The following MSL2 variants were observed in gnomAD, a reference collection of about 807,000 sequenced individuals.
MSL2 encodes MSL complex subunit 2, also known as E3 ubiquitin-protein ligase MSL2.
Under a neutral mutation model 35.8 loss-of-function variants are expected in MSL2, and 2 were observed. The ratio of observed to expected loss-of-function variants is 0.06; its 90% CI spans 0.02 to 0.18. The LOEUF (loss-of-function observed/expected upper bound fraction) is 0.18, where lower values mean the gene tolerates loss of function less well. Ranked by LOEUF, MSL2 falls within the 10% of genes least tolerant of loss-of-function variation. The pLI is 1.00. For missense variants in MSL2, 523 were observed against 706.7 expected, an observed-to-expected ratio of 0.74 and a Z score of 2.95; for synonymous variants, 296 against 255.7, an observed-to-expected ratio of 1.16 and a Z score of -1.50.
intron 1 of MSL2, among the ~76,000 whole-genome samples, chr3:136,172,629 C>T (rs1184672867): frequency 6.6e-6 from 1 of 152,060 alleles, no homozygotes; most frequent in African/African-American, 2.4e-5. Context: ...CTCTTCTGTC[C>T]CCTCATTAAT....
chr3:136,173,579 T>G (rs917600939), intron 1 of MSL2, among the ~76,000 whole-genome samples: 1 of 152,116 alleles, frequency 6.6e-6, no homozygotes, highest in East Asian at 1.9e-4. Context: ...TTCCACCCCT[T>G]CAGGTTTTAT....
intron 1 of MSL2, among the ~76,000 whole-genome samples, chr3:136,194,046 T>TC (rs1940764461): frequency 6.6e-6 from 1 of 152,252 alleles, no homozygotes; most frequent in African/African-American, 2.4e-5. Context: ...TGCCTGAATT[T>TC]CCCAGGTTCT....
intron 1 of MSL2, chr3:136,194,421 C>G: frequency 5.1e-6 from 5 of 985,408 alleles, no homozygotes; most frequent in Non-Finnish European, 4.8e-6. Flanking sequence ...CGAGTACCAA[C>G]AGCCTTCCCC....
At chr3:136,187,021 G>A (rs956768474) in intron 1 of MSL2, among the ~76,000 whole-genome samples, 1 of 152,162 alleles carries the variant, frequency 6.6e-6, no homozygotes, top group Non-Finnish European at 1.5e-5. Context: ...GTTCAGCATA[G>A]TTGCAATTTT....
rs995018478 is a variant in MSL2, at chr3:136,150,917, G to C, written c.*230C>G. On this transcript the variant is annotated 3_prime_UTR_variant, in exon 2 of 2. Transcript: ENST00000309993. Reference sequence around the variant, plus strand: ...TGTATAAATCAGTTGCATCAGCTTTGTTCTCAAACTATGAGGTTCTGTAAG... The same window carrying C: ...TGTATAAATCAGTTGCATCAGCTTTCTTCTCAAACTATGAGGTTCTGTAAG... 3 of 503,844 alleles carry C rather than the reference G, an allele frequency of 6.0e-6. No individual in the cohort carries two copies. The highest frequency in any genetic ancestry group is 6.8e-5 in the South Asian group (2 of 29,260). 31.2% of individuals were successfully genotyped at this position (503,844 alleles called of 1,614,324 possible).
At chr3:136,175,483 C>T (rs1453353790) in intron 1 of MSL2, among the ~76,000 whole-genome samples, 1 of 151,858 alleles carries the variant, frequency 6.6e-6, no homozygotes, top group Non-Finnish European at 1.5e-5. Flanking sequence ...CCCAGGAGTT[C>T]GAGACCAGCC....
Position 136,151,117 on chromosome 3 carries a change from AC to A in MSL2, c.*29del, listed in dbSNP as rs1319845081. The A allele has an allele frequency of 1.3e-6, 2 of 1,594,480 alleles. No homozygotes were observed. The highest frequency in any genetic ancestry group is 3.4e-5 in the Admixed American group (2 of 59,278). The stretch of plus-strand genomic sequence containing the variant: ...GCCGTAAAACTGTAGCTATTTCCCT[AC>A]CAGGAGTAGGTTTAAAAGACCCACT... On this transcript the variant is annotated 3_prime_UTR_variant, in exon 2 of 2. Coordinates refer to ENST00000309993, the MANE Select transcript of MSL2 (RefSeq NM_018133.4). The surrounding 1 kb of genome is among the most constrained non-coding windows in gnomAD (Gnocchi z 5.2).
In MSL2 at chr3:136,195,411, C is replaced by T. The variant is rs1940809214; in HGVS notation, c.-298G>A. The T allele has an allele frequency of 8.9e-7, 1 of 1,125,300 alleles. No homozygotes were observed. The highest frequency in any genetic ancestry group is 2.5e-5 in the South Asian group (1 of 39,312). 69.7% of individuals were successfully genotyped at this position (1,125,300 alleles called of 1,614,324 possible). A position where few individuals can be genotyped will look rare whatever the true frequency, so the allele number is the denominator to read the frequency against. On this transcript the variant is annotated 5_prime_UTR_variant, in exon 1 of 2. Coordinates refer to ENST00000309993, the MANE Select transcript of MSL2 (RefSeq NM_018133.4). ...CGCAGAACGCGGCGGCTTGGGCGCT[C>T]GGGGCGGGACTCGGAGCTCAGTCTA...
In MSL2 at chr3:136,151,792, G is replaced by A. The variant is rs201156608; in HGVS notation, c.1089C>T (p.Gly363=). 6.2e-7 allele frequency: 1 copy of A among 1,614,158 alleles called. No individual in the cohort carries two copies. Among genetic ancestry groups the A allele is most frequent in the Non-Finnish European group, 8.5e-7 (1 of 1,180,038 alleles). The change falls in exon 2 of 2, where the codon GGC becomes GGT. Residue 363 remains glycine, a synonymous_variant. Coordinates refer to ENST00000309993, the MANE Select transcript of MSL2 (RefSeq NM_018133.4). The surrounding 1 kb of genome is among the most constrained non-coding windows in gnomAD (Gnocchi z 5.2). ...CAGGAGCAGATGCCCCCAGTGTTGG[G>A]CCTCGGATAATGGTAGAAATTGGAA... is the stretch of plus-strand genomic sequence containing the variant. ...QPLPISTIIR[G]PTLGASAPVT...
chr3:136,155,846 G>A (rs1576355380), intron 1 of MSL2: 3 of 578,486 alleles, frequency 5.2e-6, no homozygotes, highest in South Asian at 4.1e-5. Context: ...ATGCTGGCAT[G>A]GCCAGCTCCG....
chr3:136,181,258 C>G (rs148569047), intron 1 of MSL2, among the ~76,000 whole-genome samples: 1,536 of 152,068 alleles, frequency 0.01, 29 homozygotes, highest in African/African-American at 0.033. Flanking sequence ...TTTCTTAATG[C>G]TTCTTGTCTC....
Position 136,168,001 on chromosome 3 carries a change from T to G in MSL2, c.143-15263A>C, listed in dbSNP as rs183046326. Among the ~76,000 whole-genome samples, 583 of 152,188 alleles carry G rather than the reference T, an allele frequency of 3.8e-3. 2 individuals are homozygous for G. The highest frequency in any genetic ancestry group is 6.5e-3 in the Non-Finnish European group (444 of 68,010). On this transcript the variant is annotated intron_variant, in intron 1 of 1. Coordinates refer to ENST00000309993, the MANE Select transcript of MSL2 (RefSeq NM_018133.4). The stretch of plus-strand genomic sequence containing the variant: ...ACACAGTACCTCAATAAAATATGCT[T>G]TACATCAGAGCCTAAATTTGCTTCC...
intron 1 of MSL2, among the ~76,000 whole-genome samples, chr3:136,165,296 T>C (rs1404170074): frequency 6.6e-6 from 1 of 151,908 alleles, no homozygotes; most frequent in Non-Finnish European, 1.5e-5. Flanking sequence ...AGTGGACATA[T>C]AACTAAACGA....
chr3:136,151,761 C>T lies in MSL2; in HGVS notation c.1120G>A (p.Val374Met), dbSNP rs761704166. ...PTLGASAPVT[V>M]KRESKISLQP... is the part of the protein sequence containing the mutation. ...AGAGAAATTTTGCTCTCCCGTTTCA[C>T]TGTCACAGGAGCAGATGCCCCCAGT... The change falls in exon 2 of 2, where the codon GTG becomes ATG. Residue 374 changes from valine to methionine, a missense_variant. By Grantham distance (21) the Val-to-Met change is conservative. Transcript: ENST00000309993. This position sits in a 1 kb window ranked among gnomAD's most constrained non-coding sequence, Gnocchi z 5.2. The T allele has an allele frequency of 1.4e-5, 23 of 1,614,064 alleles. No individual in the cohort carries two copies. The highest frequency in any genetic ancestry group is 1.3e-4 in the Admixed American group (8 of 60,010).
intron 1 of MSL2, among the ~76,000 whole-genome samples, chr3:136,191,325 G>A (rs537410942): frequency 3.3e-5 from 5 of 152,108 alleles, no homozygotes; most frequent in Admixed American, 3.3e-4. Flanking sequence ...AAATTAGCTG[G>A]GTGTGGTGGC....
rs377501811 is a variant in MSL2, at chr3:136,195,667, G to A, written c.-554C>T. The A allele has an allele frequency of 3.0e-6, 3 of 985,354 alleles. No individual in the cohort carries two copies. Among genetic ancestry groups the A allele is most frequent in the Non-Finnish European group, 3.6e-6 (3 of 829,930 alleles). 61.0% of individuals were successfully genotyped at this position (985,354 alleles called of 1,614,324 possible). A position where few individuals can be genotyped will look rare whatever the true frequency, so the allele number is the denominator to read the frequency against. ...CTTCCCGGATCTAGTGCAAGACGCC[G>A]CGGCGGCGACGAAGGTTGATGTTGC... On this transcript the variant is annotated 5_prime_UTR_variant, in exon 1 of 2. Coordinates refer to ENST00000309993, the MANE Select transcript of MSL2 (RefSeq NM_018133.4).
At chr3:136,181,066 T>C (rs1354175797) in intron 1 of MSL2, among the ~76,000 whole-genome samples, 3 of 151,010 alleles carry the variant, frequency 2.0e-5, no homozygotes, top group Non-Finnish European at 4.4e-5. Context: ...GGCAGGAGAA[T>C]CACTTGAACA....
Position 136,150,137 on chromosome 3 carries a change from G to A in MSL2, c.*1010C>T, listed in dbSNP as rs1939309459. ...CCTAAATGCACAGGCTTTATAAAAA[G>A]GCATTCTTATTAGGCCTCTATAAAG... On this transcript the variant is annotated 3_prime_UTR_variant, in exon 2 of 2. Coordinates refer to ENST00000309993, the MANE Select transcript of MSL2 (RefSeq NM_018133.4). 6.6e-6 allele frequency: 1 copy of A among 152,464 alleles called. No individual in the cohort carries two copies. The highest frequency in any genetic ancestry group is 2.4e-5 in the African/African-American group (1 of 41,396). 9.4% of individuals were successfully genotyped at this position (152,464 alleles called of 1,614,324 possible).
chr3:136,178,072 T>C (rs1273926498), intron 1 of MSL2, among the ~76,000 whole-genome samples: 3 of 152,206 alleles, frequency 2.0e-5, no homozygotes, highest in Non-Finnish European at 4.4e-5. Context: ...AAATGGATGA[T>C]GTATATGTAT....
Sources: allele counts gnomAD v4.1 joint callset (sites outside exome capture counted in the v4.1 genomes callset), GRCh38; gene constraint gnomAD v4.1.1; non-coding constraint Gnocchi (gnomAD v3.1); transcripts MANE v1.5; gene names NCBI Gene and HGNC (gene_info 2026-07-23, HGNC 2026-07-21).